The following TMEFF2 variants were observed in gnomAD, a reference collection of about 807,000 sequenced individuals.
TMEFF2 encodes the protein transmembrane protein with EGF like and two follistatin like domains 2, also known as tomoregulin-2.
TMEFF2 carries 28 observed loss-of-function variants against 53.8 expected under a neutral mutation model. That is an observed-to-expected ratio of 0.52 (90% confidence interval 0.39 to 0.71). The LOEUF is 0.71. Among genes scored for constraint, TMEFF2 ranks in the 30% least tolerant of loss-of-function variants. The pLI is 0.00. For missense variants in TMEFF2, 353 were observed against 455.2 expected (o/e 0.78, Z 2.04); for synonymous variants, 162 against 166.3 (o/e 0.97, Z 0.20).
chr2:191,972,372 A>G (rs1259384076), intron 7 of TMEFF2, among the ~76,000 whole-genome samples: 1 of 126,566 alleles, frequency 7.9e-6, no homozygotes, highest in Non-Finnish European at 1.5e-5. Flanking sequence ...CATGTTGTCC[A>G]TGCTGGTCTT....
chr2:192,094,153 A>C (rs1303060136), intron 4 of TMEFF2, among the ~76,000 whole-genome samples: 1 of 152,182 alleles, frequency 6.6e-6, no homozygotes. Context: ...TATGTGTTTG[A>C]AAAGGAGAAA....
At chr2:192,022,007 A>G (rs1435385287) in intron 5 of TMEFF2, 1 of 152,172 alleles carries the variant, frequency 6.6e-6, no homozygotes, top group Non-Finnish European at 1.5e-5. Context: ...TTTCACAGAA[A>G]TCCTCTTGTG....
rs111733023 is a variant in TMEFF2 at position 192,075,285 on chromosome 2, TTATATATATATATATA to T, written c.440-17526_440-17511del. On this transcript the variant is annotated intron_variant, in intron 4 of 9. Coordinates refer to ENST00000272771, the MANE Select transcript of TMEFF2 (RefSeq NM_016192.4). ...TTATTATACCCAGAGTACAGTACTA[TTATATATATATATATA>T]TATATATATATATATATATATATAT... Among the ~76,000 whole-genome samples the T allele has an allele frequency of 5.5e-3, 364 of 65,758 alleles. 12 individuals are homozygous for T. The highest frequency in any genetic ancestry group is 0.021 in the African/African-American group (336 of 16,182). 43.1% of individuals were successfully genotyped at this position (65,758 alleles called of 152,430 possible). A position where few individuals can be genotyped will look rare whatever the true frequency, so the allele number is the denominator to read the frequency against.
chr2:192,041,162 G>A (rs1687470246), intron 5 of TMEFF2, among the ~76,000 whole-genome samples: 1 of 152,174 alleles, frequency 6.6e-6, no homozygotes, highest in African/African-American at 2.4e-5. Flanking sequence ...ACGGTCAAGA[G>A]AGTGAAAGGC....
intron 7 of TMEFF2, among the ~76,000 whole-genome samples, chr2:191,973,324 A>G (rs1692702403): frequency 6.6e-6 from 1 of 151,968 alleles, no homozygotes; most frequent in Non-Finnish European, 1.5e-5. Context: ...GTGACTTAAA[A>G]TTTTGTTTTT....
chr2:192,088,017 G>A, intron 4 of TMEFF2, among the ~76,000 whole-genome samples: 1 of 152,170 alleles, frequency 6.6e-6, no homozygotes, highest in East Asian at 1.9e-4. Context: ...ACTCTTTTCA[G>A]TGTGGTTCAT....
chr2:191,997,433 A>G (rs1031635279), intron 7 of TMEFF2, among the ~76,000 whole-genome samples: 2 of 151,776 alleles, frequency 1.3e-5, no homozygotes, highest in Non-Finnish European at 2.9e-5. Context: ...TATATATTTT[A>G]AAAGACAAGA....
chr2:192,084,734 T>G (rs1023835659), intron 4 of TMEFF2, among the ~76,000 whole-genome samples: 2 of 152,194 alleles, frequency 1.3e-5, no homozygotes, highest in Admixed American at 6.5e-5. Flanking sequence ...AAAAGGCATT[T>G]GATGCTTATG....
chr2:192,149,684 T>C (rs971006628), intron 4 of TMEFF2, among the ~76,000 whole-genome samples: 2 of 151,980 alleles, frequency 1.3e-5, no homozygotes, highest in Non-Finnish European at 2.9e-5. Flanking sequence ...ATGGTAATGA[T>C]AGTAATGGTT....
At chr2:191,968,885 C>T (rs924487970) in intron 7 of TMEFF2, among the ~76,000 whole-genome samples, 2 of 151,956 alleles carry the variant, frequency 1.3e-5, no homozygotes, top group Admixed American at 6.6e-5. Flanking sequence ...ACCATACATA[C>T]AGAAAAAAAT....
At chr2:192,035,322 T>C (rs1274112627) in intron 5 of TMEFF2, 1 of 152,256 alleles carries the variant, frequency 6.6e-6, no homozygotes, top group Non-Finnish European at 1.5e-5. Context: ...GGTCACAGTC[T>C]AGAACCAGAC....
chr2:192,022,395 A>G (rs966909286), intron 5 of TMEFF2, among the ~76,000 whole-genome samples: 6 of 152,208 alleles, frequency 3.9e-5, no homozygotes, highest in Non-Finnish European at 7.3e-5. Context: ...CCTGATTAAT[A>G]ACCCTGTTAG....
chr2:192,001,761 A>G (rs1290518290), intron 5 of TMEFF2, among the ~76,000 whole-genome samples: 4 of 78,858 alleles, frequency 5.1e-5, no homozygotes, highest in South Asian at 5.7e-4. Context: ...CACACCTTTC[A>G]CCTTCTGCCA....
At chr2:192,159,465 T>C (rs1322406000) in intron 4 of TMEFF2, among the ~76,000 whole-genome samples, 1 of 152,156 alleles carries the variant, frequency 6.6e-6, no homozygotes, top group African/African-American at 2.4e-5. Flanking sequence ...GGGAACTGAA[T>C]GCGCTAGTTT....
chr2:192,150,831 T>C (rs1373259588), intron 4 of TMEFF2, among the ~76,000 whole-genome samples: 1 of 118,820 alleles, frequency 8.4e-6, no homozygotes, highest in Admixed American at 9.6e-5. Flanking sequence ...GCATGTCAAG[T>C]TTACATTTTC....
intron 7 of TMEFF2, among the ~76,000 whole-genome samples, chr2:191,972,044 A>G (rs1453741360): frequency 6.6e-6 from 1 of 152,108 alleles, no homozygotes; most frequent in African/African-American, 2.4e-5. Context: ...GCTAGAATGG[A>G]GAATGTGCCA....
At chr2:191,998,343 A>C (rs1686274473) in intron 6 of TMEFF2, 22 bp from the exon 7 acceptor site, 1 of 1,525,050 alleles carries the variant, frequency 6.6e-7, no homozygotes, top group Admixed American at 1.8e-5. Flanking sequence ...AATTAACAAT[A>C]AAAATTGATT....
chr2:191,969,077 TTA>T (rs10618196), intron 7 of TMEFF2, among the ~76,000 whole-genome samples: 145,504 of 149,332 alleles, frequency 0.97, 70,991 homozygotes, highest in South Asian at 1. Flanking sequence ...GTTTCCAGGT[TTA>T]TATATATATA....
At chr2:192,191,001 T>C (rs1403393262) in intron 2 of TMEFF2, among the ~76,000 whole-genome samples, 1 of 152,176 alleles carries the variant, frequency 6.6e-6, no homozygotes, top group Non-Finnish European at 1.5e-5. Flanking sequence ...TTTTTAAAAG[T>C]AACTTAAAAT....
Sources: allele counts gnomAD v4.1 joint callset (sites outside exome capture counted in the v4.1 genomes callset), GRCh38; gene constraint gnomAD v4.1.1; transcripts MANE v1.5; gene names NCBI Gene and HGNC (gene_info 2026-07-23, HGNC 2026-07-21).